MYO3B: variants seen among roughly 807,000 people sequenced by gnomAD.
MYO3B encodes the protein myosin IIIB.
Under a neutral mutation model 174.6 loss-of-function variants are expected in MYO3B, and 156 were observed. The ratio of observed to expected loss-of-function variants is 0.89; its 90% CI spans 0.78 to 1.02. The LOEUF is 1.02. MYO3B is among the 50% of genes least tolerant of loss of function. The probability of loss-of-function intolerance (pLI) is 0.00; values close to 1 mark genes in which losing one functional copy is unlikely to be tolerated. For synonymous variants in MYO3B, 563 were observed against 569.1 expected (o/e 0.99, Z 0.15); for missense variants, 1,632 against 1,639.4 (o/e 1.00, Z 0.08).
chr2:170,254,146 A>G (rs2093282123), intron 7 of MYO3B, among the ~76,000 whole-genome samples: 1 of 152,064 alleles, frequency 6.6e-6, no homozygotes, highest in Admixed American at 6.5e-5. Context: ...GGGTGAATGA[A>G]GGAACTCTGT....
intron 6 of MYO3B, among the ~76,000 whole-genome samples, chr2:170,218,159 T>A (rs1166037426): frequency 6.6e-6 from 1 of 152,168 alleles, no homozygotes; most frequent in African/African-American, 2.4e-5. Flanking sequence ...GCCAAAGTGG[T>A]CTCCTAACAA....
At chr2:170,216,736 G>A (rs1486267751) in intron 5 of MYO3B, among the ~76,000 whole-genome samples, 5 of 152,098 alleles carry the variant, frequency 3.3e-5, no homozygotes, top group Non-Finnish European at 5.9e-5. Flanking sequence ...TAGTGCAGCC[G>A]ATCTTCTTTC....
intron 6 of MYO3B, among the ~76,000 whole-genome samples, chr2:170,230,172 T>TG (rs1289979748): frequency 3.3e-5 from 5 of 150,704 alleles, no homozygotes; most frequent in African/African-American, 1.2e-4. Context: ...GTTTTTTTTT[T>TG]TGTTTTTTTT....
intron 9 of MYO3B, among the ~76,000 whole-genome samples, chr2:170,370,171 A>G (rs1405775402): frequency 6.6e-6 from 1 of 152,210 alleles, no homozygotes; most frequent in East Asian, 1.9e-4. Context: ...GGTTTTATGA[A>G]ACCATCCAGG....
At chr2:170,634,805 G>A (rs965007152) in intron 32 of MYO3B, among the ~76,000 whole-genome samples, 8 of 152,200 alleles carry the variant, frequency 5.3e-5, no homozygotes, top group Non-Finnish European at 1.2e-4. Flanking sequence ...AGTGGGCAAA[G>A]GATATGAACA....
chr2:170,393,524 C>G (rs1280230194), intron 16 of MYO3B, among the ~76,000 whole-genome samples: 1 of 152,076 alleles, frequency 6.6e-6, no homozygotes, highest in Non-Finnish European at 1.5e-5. Context: ...TTCATGCCAT[C>G]AATTTTGCAA....
At chr2:170,430,654 G>GCC (rs1158348973) in intron 22 of MYO3B, among the ~76,000 whole-genome samples, 3 of 152,162 alleles carry the variant, frequency 2.0e-5, no homozygotes, top group Non-Finnish European at 4.4e-5. Flanking sequence ...ACAAGCATGA[G>GCC]CCACCGCGCC....
chr2:170,563,222 G>A (rs374209456), intron 32 of MYO3B, among the ~76,000 whole-genome samples: 1 of 152,156 alleles, frequency 6.6e-6, no homozygotes, highest in African/African-American at 2.4e-5. Flanking sequence ...GATAATTGGA[G>A]TATTGTTTAA....
At chr2:170,200,087 C>A in intron 2 of MYO3B, 63 bp from the exon 3 acceptor site, 2 of 1,509,802 alleles carry the variant, frequency 1.3e-6, no homozygotes, top group East Asian at 2.3e-5. Flanking sequence ...AGCATGATGT[C>A]ATATCTGTAC....
At chr2:170,491,222 T>A (rs1248506261) in intron 25 of MYO3B, among the ~76,000 whole-genome samples, 1 of 152,162 alleles carries the variant, frequency 6.6e-6, no homozygotes. Context: ...AGCAATCAAA[T>A]CTTGATACAT....
chr2:170,204,650 C>G (rs2092696991), intron 3 of MYO3B, among the ~76,000 whole-genome samples: 2 of 152,108 alleles, frequency 1.3e-5, no homozygotes, highest in African/African-American at 4.8e-5. Flanking sequence ...TCATTAAATT[C>G]TAGATGCATT....
intron 18 of MYO3B, among the ~76,000 whole-genome samples, chr2:170,401,956 C>G (rs1355070618): frequency 6.6e-6 from 1 of 152,098 alleles, no homozygotes; most frequent in Admixed American, 6.5e-5. Flanking sequence ...GCGCGTGCCA[C>G]CACGCCCGGC....
intron 8 of MYO3B, chr2:170,340,491 C>CTAT (rs1320467032): frequency 6.6e-6 from 1 of 152,100 alleles, no homozygotes; most frequent in East Asian, 1.9e-4. Flanking sequence ...GCTGACATTC[C>CTAT]TATAACAAAA....
At chr2:170,275,852 AAAAC>A (rs1462057931) in intron 7 of MYO3B, among the ~76,000 whole-genome samples, 1 of 152,226 alleles carries the variant, frequency 6.6e-6, no homozygotes. Context: ...CACACAGAAA[AAAAC>A]AAAATAAAAA....
rs755549346 is a variant in MYO3B at position 170,200,204 on chromosome 2, C to T, written c.241C>T (p.His81Tyr). Residue 81 changes from histidine to tyrosine, a missense_variant, in exon 3 of 35, where the codon CAT becomes TAT. Physicochemically the swap from His to Tyr is moderately conservative, Grantham distance 83. Transcript: ENST00000408978. ...CAACATTTTGCAGTTCCTTCCTAAT[C>T]ATCCCAATGTTGTAAAGTTTTATGG... The part of the protein sequence containing the change: ...EYNILQFLPN[H>Y]PNVVKFYGMF... The T allele has an allele frequency of 6.2e-7, 1 of 1,613,444 alleles. No homozygotes were observed. Among genetic ancestry groups the T allele is most frequent in the Non-Finnish European group, 8.5e-7 (1 of 1,179,624 alleles).
chr2:170,354,810 G>A (rs1310385101), intron 8 of MYO3B, among the ~76,000 whole-genome samples: 2 of 152,138 alleles, frequency 1.3e-5, no homozygotes, highest in African/African-American at 4.8e-5. Context: ...GCTCCATCTT[G>A]TTAATGGAGG....
chr2:170,353,906 A>G (rs2094098434), intron 8 of MYO3B, among the ~76,000 whole-genome samples: 1 of 152,220 alleles, frequency 6.6e-6, no homozygotes, highest in Non-Finnish European at 1.5e-5. Flanking sequence ...ATAAAGAGAT[A>G]AATGTCCTCA....
rs550037786 is a variant in MYO3B, at chr2:170,504,789, A to G, written c.3370+2924A>G. Among the ~76,000 whole-genome samples, 8 of 152,204 alleles carry G rather than the reference A, an allele frequency of 5.3e-5. No homozygotes were observed. The South Asian group carries it at 1.7e-3, about 32-fold the overall frequency. On this transcript the variant is annotated intron_variant, in intron 28 of 34. Coordinates refer to ENST00000408978, the MANE Select transcript of MYO3B (RefSeq NM_138995.5). ...TCATCATTACTTTCAACTGGGTGAG[A>G]AATAATCTGCCTGGCTAATTATTGC...
chr2:170,213,992 CAT>C (rs1367329701), intron 3 of MYO3B, among the ~76,000 whole-genome samples: 1 of 152,190 alleles, frequency 6.6e-6, no homozygotes, highest in Admixed American at 6.5e-5. Flanking sequence ...ACATTAAAAA[CAT>C]AGACAATATT....
Sources: gnomAD v4.1 joint callset for allele counts (sites outside exome capture counted in the v4.1 genomes callset) on GRCh38, gnomAD v4.1.1 for gene constraint, MANE v1.5 for transcripts, NCBI Gene and HGNC (gene_info 2026-07-23, HGNC 2026-07-21) for gene names.